CDH18: variants seen among roughly 807,000 people sequenced by gnomAD.
The protein encoded by CDH18 is cadherin-18.
In CDH18, 31 loss-of-function variants were observed where a neutral mutation model predicts 67.9. The observed-to-expected ratio is 0.46, with a 90% CI of 0.34 to 0.62. The LOEUF (loss-of-function observed/expected upper bound fraction) is 0.62, where lower values mean the gene tolerates loss of function less well. Ranked by LOEUF, CDH18 falls within the 20% of genes least tolerant of loss-of-function variation. The pLI, the probability that CDH18 is intolerant of heterozygous loss-of-function variation, is 0.01. For missense variants in CDH18, 890 were observed against 975.5 expected (o/e 0.91, Z 1.17); for synonymous variants, 362 against 347.2 (o/e 1.04, Z -0.48).
intron 1 of CDH18, among the ~76,000 whole-genome samples, chr5:20,317,930 C>T (rs1028274024): frequency 5.9e-5 from 9 of 152,142 alleles, no homozygotes; most frequent in African/African-American, 9.7e-5. Flanking sequence ...CTTCGATGTT[C>T]AACTAATTTT....
At chr5:20,295,394 A>G (rs1181559061) in intron 1 of CDH18, among the ~76,000 whole-genome samples, 1 of 152,146 alleles carries the variant, frequency 6.6e-6, no homozygotes, top group Non-Finnish European at 1.5e-5. Context: ...TGAAAAGAAA[A>G]TGATTATCAA....
At chr5:19,479,720 C>T (rs1317267924) in intron 12 of CDH18, among the ~76,000 whole-genome samples, 1 of 152,098 alleles carries the variant, frequency 6.6e-6, no homozygotes, top group African/African-American at 2.4e-5. Context: ...GGTGGCCTCA[C>T]CTAGGTCACC....
intron 1 of CDH18, among the ~76,000 whole-genome samples, chr5:20,486,336 C>G (rs1753175097): frequency 6.6e-6 from 1 of 151,934 alleles, no homozygotes; most frequent in South Asian, 2.1e-4. Flanking sequence ...TGAAACAAAG[C>G]CTATAGAGAT....
intron 2 of CDH18, among the ~76,000 whole-genome samples, chr5:20,213,555 C>T (rs1287678251): frequency 1.3e-5 from 2 of 151,960 alleles, no homozygotes; most frequent in Non-Finnish European, 2.9e-5. Flanking sequence ...AATTTCAGAG[C>T]TCATTATTGG....
chr5:20,208,039 A>G (rs1740050889), intron 2 of CDH18, among the ~76,000 whole-genome samples: 1 of 152,154 alleles, frequency 6.6e-6, no homozygotes, highest in Admixed American at 6.6e-5. Flanking sequence ...TATTTTCAAC[A>G]AAGATACCAA....
At position 19,808,629 on chromosome 5, in the gene CDH18, C is replaced by T. The variant is rs59335131; in HGVS notation, c.228+30130G>A. On this transcript the variant is annotated intron_variant, in intron 3 of 12. Transcript: ENST00000382275. ...TCACCTGAGGTCAGGAGTTCTAGACCGGCCTGGCCAACATGGTGAAATCCT... is the reference window on the plus strand; with the variant it reads ...TCACCTGAGGTCAGGAGTTCTAGACTGGCCTGGCCAACATGGTGAAATCCT... Among the ~76,000 whole-genome samples the T allele has an allele frequency of 9.4e-3, 1,432 of 151,600 alleles. 19 individuals are homozygous for T. Among genetic ancestry groups the T allele is most frequent in the African/African-American group, 0.033 (1,355 of 41,334 alleles).
chr5:19,540,858 C>T (rs921087875), intron 9 of CDH18, among the ~76,000 whole-genome samples: 17 of 152,182 alleles, frequency 1.1e-4, no homozygotes, highest in African/African-American at 3.6e-4. Context: ...GTGAAGGTCT[C>T]TGACATGCCC....
intron 2 of CDH18, among the ~76,000 whole-genome samples, chr5:20,148,973 C>A (rs1750883273): frequency 1.3e-5 from 2 of 151,950 alleles, no homozygotes; most frequent in African/African-American, 4.8e-5. Context: ...TGTCTCAGTG[C>A]AATTTCTAAC....
chr5:20,010,572 T>C (rs1330763343), intron 2 of CDH18, among the ~76,000 whole-genome samples: 2 of 152,154 alleles, frequency 1.3e-5, no homozygotes. Flanking sequence ...GAATATCTCA[T>C]AAAATTTTCT....
At position 20,411,086 on chromosome 5, in the gene CDH18, T is replaced by C. The variant is rs548017759; in HGVS notation, c.-579-155581A>G. On this transcript the variant is annotated intron_variant, in intron 1 of 14. Transcript: ENST00000507958. ...TTTATGAAAGTCCCAATTAATTTTT[T>C]ATAAAATATAGAAACAATTCTCAAA... Among the ~76,000 whole-genome samples, 12 of 152,082 alleles carry C rather than the reference T, an allele frequency of 7.9e-5. No individual in the cohort carries two copies. In the South Asian group the frequency reaches 2.5e-3, roughly 32 times the overall value.
chr5:19,601,268 A>G (rs1486663961), intron 6 of CDH18, among the ~76,000 whole-genome samples: 1 of 152,198 alleles, frequency 6.6e-6, no homozygotes, highest in Non-Finnish European at 1.5e-5. Context: ...AATCAGAAAT[A>G]AAGTAGAAAC....
At chr5:20,459,750 T>C (rs1402629517) in intron 1 of CDH18, among the ~76,000 whole-genome samples, 1 of 152,160 alleles carries the variant, frequency 6.6e-6, no homozygotes, top group Non-Finnish European at 1.5e-5. Context: ...GCCCTGCTCT[T>C]TTCCATTTCA....
chr5:20,538,617 G>C (rs1756858945), intron 1 of CDH18, among the ~76,000 whole-genome samples: 1 of 152,056 alleles, frequency 6.6e-6, no homozygotes, highest in East Asian at 1.9e-4. Context: ...ACAACCTGTA[G>C]GGAGTTAATC....
intron 1 of CDH18, among the ~76,000 whole-genome samples, chr5:20,374,194 G>A (rs931841523): frequency 6.6e-6 from 1 of 152,136 alleles, no homozygotes; most frequent in Non-Finnish European, 1.5e-5. Context: ...TTAGTAATCT[G>A]TTCCCCAACC....
At chr5:20,030,320 T>C (rs1224276548) in intron 2 of CDH18, among the ~76,000 whole-genome samples, 1 of 152,216 alleles carries the variant, frequency 6.6e-6, no homozygotes, top group Non-Finnish European at 1.5e-5. Context: ...ATATAGTGTT[T>C]AGCCTAAGGC....
At chr5:19,754,177 G>T (rs975166563) in intron 3 of CDH18, among the ~76,000 whole-genome samples, 7 of 152,100 alleles carry the variant, frequency 4.6e-5, no homozygotes, top group Admixed American at 2.6e-4. Context: ...AACATTGAAT[G>T]TAAATTGCCT....
intron 1 of CDH18, among the ~76,000 whole-genome samples, chr5:20,511,808 G>GTGTTT (rs902950418): frequency 3.9e-5 from 6 of 152,094 alleles, no homozygotes; most frequent in African/African-American, 7.2e-5. Context: ...TTCCTATACA[G>GTGTTT]TGTTTTGTTT....
rs1030829473 is a variant in CDH18, at chr5:20,443,839, T to G, written c.-580+131623A>C. ...TAGAAATTAATTATCTCTATCATTC[T>G]CAATATACCTACATGAACTATATGA... On this transcript the variant is annotated intron_variant, in intron 1 of 14. Transcript: ENST00000507958. Among the ~76,000 whole-genome samples the G allele has an allele frequency of 2.6e-5, 4 of 151,910 alleles. No homozygotes were observed. The East Asian group carries it at 7.7e-4, about 29-fold the overall frequency.
chr5:19,787,998 C>A (rs1023106665), intron 3 of CDH18, among the ~76,000 whole-genome samples: 6 of 151,940 alleles, frequency 3.9e-5, no homozygotes, highest in Non-Finnish European at 8.8e-5. Context: ...TATTCTCCCC[C>A]TTTTCTTTCT....
Sources: allele counts gnomAD v4.1 joint callset (sites outside exome capture counted in the v4.1 genomes callset), GRCh38; gene constraint gnomAD v4.1.1; transcripts MANE v1.5; gene names NCBI Gene and HGNC (gene_info 2026-07-23, HGNC 2026-07-21).